Variants in CST2 observed in about 807,000 individuals in gnomAD.
CST2 encodes cystatin-SA.
CST2 carries 26 observed loss-of-function variants against 13.4 expected under a neutral mutation model. That is an observed-to-expected ratio of 1.95 (90% CI 1.43 to 2.70). The LOEUF is 2.70. CST2 is among the 30% of genes most tolerant of loss of function. The pLI is 0.00. For missense variants in CST2, 243 were observed against 173.4 expected (o/e 1.40, Z -2.25); for synonymous variants, 105 against 71.1 (o/e 1.48, Z -2.40).
chr20:23,825,249 C>G lies in CST2; in HGVS notation c.303G>C (p.Leu101Phe), dbSNP rs748488804. Residue 101 changes from leucine to phenylalanine, a missense_variant, in exon 2 of 3, where the codon TTG becomes TTC. Physicochemically the swap from Leu to Phe is conservative, Grantham distance 22. Transcript: ENST00000304725. ...RTICTKSQPN[L>F]DTCAFHEQPE... The stretch of plus-strand genomic sequence containing the variant: ...GCTGTTCATGGAAGGCACAGGTGTC[C>G]AAGTTGGGCTGGGACTTGGTACATA... The G allele has an allele frequency of 3.1e-6, 5 of 1,614,118 alleles. No homozygotes were observed. In the South Asian group the frequency reaches 5.5e-5, roughly 18 times the overall value.
At position 23,825,220 on chromosome 20, in the gene CST2, TC is replaced by T. The variant is rs764152153; in HGVS notation, c.331del (p.Glu111AsnfsTer24). ...GCATCAGGAACGTACCTTCTGCAGT[TC>T]TGGCTGTTCATGGAAGGCACAGGTG... ...LDTCAFHEQP[E>X]LQKKQLCSFQ... On this transcript the variant is annotated frameshift_variant, in exon 2 of 3. Coordinates refer to ENST00000304725, the MANE Select transcript of CST2 (RefSeq NM_001322.3). LOFTEE classifies it high-confidence loss of function. The T allele has an allele frequency of 3.7e-6, 6 of 1,614,052 alleles. No individual in the cohort carries two copies. Among genetic ancestry groups the T allele is most frequent in the Non-Finnish European group, 4.2e-6 (5 of 1,180,024 alleles).
rs115781885 is a variant in CST2 at position 23,824,502 on chromosome 20, G to A, written c.343-399C>T. On this transcript the variant is annotated intron_variant, in intron 2 of 2. Coordinates refer to ENST00000304725, the MANE Select transcript of CST2 (RefSeq NM_001322.3). ...GAAGAACCCAGAGCAGGGCAACTCCGCCTCAAAGAGCTGGGGCATGGGGCA... is the reference window on the plus strand; with the variant it reads ...GAAGAACCCAGAGCAGGGCAACTCCACCTCAAAGAGCTGGGGCATGGGGCA... Among the ~76,000 whole-genome samples, 875 of 152,254 alleles carry A rather than the reference G, an allele frequency of 5.7e-3. 8 individuals are homozygous for A. Among genetic ancestry groups the A allele is most frequent in the African/African-American group, 0.02 (833 of 41,536 alleles).
Position 23,825,206 on chromosome 20 carries a change from GT to G in CST2, c.342+3del, listed in dbSNP as rs1444954830. 5.6e-6 allele frequency: 9 copies of G among 1,613,996 alleles called. No homozygotes were observed. In the Admixed American group the frequency reaches 8.3e-5, roughly 15 times the overall value. On this transcript the variant is annotated splice_donor_region_variant and intron_variant, in intron 2 of 2. Transcript: ENST00000304725. ...CTGGCCTGGGACCCGCATCAGGAAC[GT>G]ACCTTCTGCAGTTCTGGCTGTTCAT...
rs369968693 is a variant in CST2, at chr20:23,826,416, G to T, written c.228+17C>A. On this transcript the variant is annotated intron_variant, in intron 1 of 2. Coordinates refer to ENST00000304725, the MANE Select transcript of CST2 (RefSeq NM_001322.3). ...AAGGCTGGGACTCAGGACCCCTCAG[G>T]TGGAGGCAGCACCCACCTGCTCCCT... 7 of 1,611,226 alleles carry T rather than the reference G, an allele frequency of 4.3e-6. No individual in the cohort carries two copies. The highest frequency in any genetic ancestry group is 4.5e-5 in the East Asian group (2 of 44,862).
In CST2 at chr20:23,826,379, C is replaced by T. The variant is rs80316588; in HGVS notation, c.228+54G>A. 1.7e-3 allele frequency: 2,404 copies of T among 1,421,168 alleles called. 44 individuals carry two copies. The African/African-American group carries it at 0.025, about 15-fold the overall frequency. 88.0% of individuals were successfully genotyped at this position (1,421,168 alleles called of 1,614,324 possible). On this transcript the variant is annotated intron_variant, in intron 1 of 2. Transcript: ENST00000304725. Reference sequence around the variant, plus strand: ...ATGTGCTGCGAATGCTCTTATGGATCGGGCAACAAACAAGGCTGGGACTCA... The same window carrying T: ...ATGTGCTGCGAATGCTCTTATGGATTGGGCAACAAACAAGGCTGGGACTCA...
At position 23,823,996 on chromosome 20, in the gene CST2, A is replaced by G. The variant is rs377520834; in HGVS notation, c.*24T>C. ...CAAGGGGTGGGAGTAGGAGGTGGTC[A>G]GTGTGACTCCCTGGCACAGATCCCT... On this transcript the variant is annotated 3_prime_UTR_variant, in exon 3 of 3. Coordinates refer to ENST00000304725, the MANE Select transcript of CST2 (RefSeq NM_001322.3). The G allele has an allele frequency of 8.9e-5, 144 of 1,612,588 alleles. No homozygotes were observed. Among genetic ancestry groups the G allele is most frequent in the African/African-American group, 8.3e-4 (62 of 75,016 alleles).
At chr20:23,825,166 C>T (rs754762943) in intron 2 of CST2, 44 bp downstream of exon 2, 1 of 1,611,712 alleles carries the variant, frequency 6.2e-7, no homozygotes, top group South Asian at 1.1e-5. Context: ...ATACGCACCC[C>T]TCTGCAGTGC....
rs145461994 is a variant in CST2, at chr20:23,825,205, C to T, written c.342+5G>A. 4.4e-4 allele frequency: 711 copies of T among 1,614,146 alleles called. 4 individuals are homozygous for T. The African/African-American group carries it at 6.7e-3, about 15-fold the overall frequency. On this transcript the variant is annotated splice_donor_5th_base_variant and intron_variant, in intron 2 of 2. Coordinates refer to ENST00000304725, the MANE Select transcript of CST2 (RefSeq NM_001322.3). ...ACTGGCCTGGGACCCGCATCAGGAA[C>T]GTACCTTCTGCAGTTCTGGCTGTTC...
At position 23,825,274 on chromosome 20, in the gene CST2, A is replaced by G. The variant is rs762791705; in HGVS notation, c.278T>C (p.Ile93Thr). The G allele has an allele frequency of 2.2e-5, 35 of 1,613,930 alleles. No homozygotes were observed. In the African/African-American group the frequency reaches 3.7e-4, roughly 17 times the overall value. Residue 93 changes from isoleucine to threonine, a missense_variant, in exon 2 of 3, where the codon ATA becomes ACA. Coordinates refer to ENST00000304725, the MANE Select transcript of CST2 (RefSeq NM_001322.3). ...CAAGTTGGGCTGGGACTTGGTACATATGGTTCGGCCCACCTCTATGTCGAA... is the reference window on the plus strand; with the variant it reads ...CAAGTTGGGCTGGGACTTGGTACATGTGGTTCGGCCCACCTCTATGTCGAA... ...YFFDIEVGRTICTKSQPNLDT... is the reference protein window; with the variant it reads ...YFFDIEVGRTTCTKSQPNLDT...
chr20:23,824,186 A>C (rs956075605), intron 2 of CST2, 83 bp from the exon 3 acceptor site: 1 of 1,419,164 alleles, frequency 7.0e-7, no homozygotes, highest in East Asian at 2.3e-5. Flanking sequence ...TCACAGCCTG[A>C]GTGAGGAGGA....
rs778046339 is a variant in CST2 at position 23,825,295 on chromosome 20, T to C, written c.257A>G (p.Asp86Gly). ...ACATATGGTTCGGCCCACCTCTATG[T>C]CGAAGAAGTAATTCACCCCGCCCAC... ...QIVGGVNYFFDIEVGRTICTK... is the reference protein window; with the variant it reads ...QIVGGVNYFFGIEVGRTICTK... The change falls in exon 2 of 3, where the codon GAC becomes GGC. Residue 86 changes from aspartate to glycine, a missense_variant. By Grantham distance (94) the Asp-to-Gly change is moderately conservative. Coordinates refer to ENST00000304725, the MANE Select transcript of CST2 (RefSeq NM_001322.3). 6.4e-7 allele frequency: 1 copy of C among 1,552,814 alleles called. No homozygotes were observed. Among genetic ancestry groups the C allele is most frequent in the Non-Finnish European group, 8.7e-7 (1 of 1,146,654 alleles).
Position 23,824,198 on chromosome 20 carries a change from G to A in CST2, c.343-95C>T, listed in dbSNP as rs1984754714. On this transcript the variant is annotated intron_variant, in intron 2 of 2. Transcript: ENST00000304725. The stretch of plus-strand genomic sequence containing the variant: ...ATGTCACAGCCTGAGTGAGGAGGAT[G>A]GAGGTGAGACACTGGGCCCTCACCC... 9 of 1,314,434 alleles carry A rather than the reference G, an allele frequency of 6.8e-6. No homozygotes were observed. The Admixed American group carries it at 1.5e-4, about 21-fold the overall frequency. The allele number at this position is 1,314,434 out of a possible 1,614,324, so 81.4% of individuals were successfully genotyped here.
intron 2 of CST2, among the ~76,000 whole-genome samples, chr20:23,824,690 A>G (rs571646066): frequency 1.3e-5 from 2 of 152,108 alleles, no homozygotes; most frequent in South Asian, 2.1e-4. Flanking sequence ...GGCTGCATGC[A>G]GGTACCTGAG....
rs1479817881 is a variant in CST2, at chr20:23,826,553, A to C, written c.108T>G (p.Asp36Glu). The C allele has an allele frequency of 6.2e-7, 1 of 1,614,028 alleles. No homozygotes were observed. The highest frequency in any genetic ancestry group is 2.2e-5 in the East Asian group (1 of 44,862). Residue 36 changes from aspartate (D) to glutamate (E), a missense_variant, in exon 1 of 3, where the codon GAT becomes GAG. By Grantham distance (45) the Asp-to-Glu change is conservative (BLOSUM62 2). Coordinates refer to ENST00000304725, the MANE Select transcript of CST2 (RefSeq NM_001322.3). ...EDRIIEGGIYDADLNDERVQR... is the reference protein window; with the variant it reads ...EDRIIEGGIYEADLNDERVQR... ...GTACCCGCTCATCATTGAGGTCTGC[A>C]TCATAGATGCCACCCTCGATTATCC...
intron 1 of CST2, among the ~76,000 whole-genome samples, chr20:23,826,099 C>T (rs1984826406): frequency 6.6e-6 from 1 of 152,136 alleles, no homozygotes; most frequent in African/African-American, 2.4e-5. Context: ...AAGGGCTGTA[C>T]CCACGGGTGT....
intron 2 of CST2, 23 bp from the exon 3 acceptor site, chr20:23,824,126 C>T (rs746533994): frequency 4.3e-6 from 7 of 1,611,138 alleles, no homozygotes; most frequent in Non-Finnish European, 5.9e-6. Context: ...AGAGAGAGGG[C>T]CAATCAGTGT....
intron 1 of CST2, among the ~76,000 whole-genome samples, chr20:23,825,924 A>ACCT (rs1006865552): frequency 6.6e-6 from 1 of 152,022 alleles, no homozygotes. Flanking sequence ...TTGACCTGAC[A>ACCT]CCTCCTCCTC....
Position 23,826,414 on chromosome 20 carries a change from A to C in CST2, c.228+19T>G, listed in dbSNP as rs144612164. ...ACAAGGCTGGGACTCAGGACCCCTC[A>C]GGTGGAGGCAGCACCCACCTGCTCC... On this transcript the variant is annotated intron_variant, in intron 1 of 2. Transcript: ENST00000304725. 985 of 1,609,736 alleles carry C rather than the reference A, an allele frequency of 6.1e-4. 5 individuals are homozygous for C. In the African/African-American group the frequency reaches 0.011, roughly 18 times the overall value.
chr20:23,824,766 C>T (rs1468844598), intron 2 of CST2, among the ~76,000 whole-genome samples: 14 of 152,106 alleles, frequency 9.2e-5, no homozygotes, highest in Admixed American at 9.2e-4. Flanking sequence ...TCTTCCTGTC[C>T]AACAGGCAAC....
Sources: gnomAD v4.1 joint callset for allele counts (sites outside exome capture counted in the v4.1 genomes callset) on GRCh38, gnomAD v4.1.1 for gene constraint, MANE v1.5 for transcripts, NCBI Gene and HGNC (gene_info 2026-07-23, HGNC 2026-07-21) for gene names.